Variants in HEATR4 observed in about 807,000 individuals in gnomAD.
HEATR4 encodes HEAT repeat-containing protein 4.
HEATR4 carries 95 observed loss-of-function variants against 108.8 expected under a neutral mutation model. That is an observed-to-expected ratio of 0.87 (90% CI 0.74 to 1.04). The LOEUF is 1.04. Among genes scored for constraint, HEATR4 ranks in the 50% least tolerant of loss-of-function variants. The pLI is 0.00. For missense variants in HEATR4, 1,152 were observed against 1,253.8 expected (o/e 0.92, Z 1.23); for synonymous variants, 443 against 459.4 (o/e 0.96, Z 0.46).
chr14:73,535,730 C>T lies in HEATR4; in HGVS notation c.-151-5486G>A, dbSNP rs1389236619. 4.4e-5 allele frequency among the ~76,000 whole-genome samples: 5 copies of T among 113,322 alleles called. 2 individuals are homozygous for T. Among genetic ancestry groups the T allele is most frequent in the Non-Finnish European group, 9.6e-5 (5 of 52,112 alleles). The allele number at this position is 113,322 out of a possible 152,430, so 74.3% of individuals were successfully genotyped here. ...TGCTGACCTCGTGATCCACCCGCCTCGGCCTCCCAAAGTGCTGGGATTACA... is the reference window on the plus strand; with the variant it reads ...TGCTGACCTCGTGATCCACCCGCCTTGGCCTCCCAAAGTGCTGGGATTACA... On this transcript the variant is annotated intron_variant, in intron 1 of 17. Transcript: ENST00000553558.
At chr14:73,569,152 C>A in the HEATR4 span, 1 of 1,487,076 alleles carries the variant, frequency 6.7e-7, no homozygotes, top group Non-Finnish European at 9.2e-7. Flanking sequence ...TTTGGTCTGG[C>A]TGATCGGCTG....
chr14:73,566,814 G>T, the HEATR4 span, among the ~76,000 whole-genome samples: 1 of 152,162 alleles, frequency 6.6e-6, no homozygotes, highest in South Asian at 2.1e-4. Context: ...GGCTTCTCAA[G>T]TGCCGCCAAA....
rs139632154 is a variant in HEATR4 at position 73,506,489 on chromosome 14, C to T, written c.1964G>A (p.Arg655Gln). The change falls in exon 10 of 18, where the codon CGG becomes CAG. Residue 655 changes from arginine to glutamine, a missense_variant. By Grantham distance (43) the Arg-to-Gln change is conservative (BLOSUM62 1). Transcript: ENST00000553558. ...NRIVACQAFS[R>Q]ISGNVCLDMK... ...TACCAAGCAGACATTTCCACTGATC[C>T]GGGAGAAAGCCTGGCAGGCCACAAT... 66 of 1,613,584 alleles carry T rather than the reference C, an allele frequency of 4.1e-5. No homozygotes were observed. In the African/African-American group the frequency reaches 5.3e-4, roughly 13 times the overall value.
the HEATR4 span, among the ~76,000 whole-genome samples, chr14:73,621,856 T>G: frequency 6.7e-6 from 1 of 148,288 alleles, no homozygotes; most frequent in Non-Finnish European, 1.5e-5. Flanking sequence ...CTCAACCTCC[T>G]GGGCTCAAGT....
the HEATR4 span, chr14:73,593,678 C>T: frequency 1.9e-6 from 3 of 1,577,034 alleles, no homozygotes; most frequent in African/African-American, 1.4e-5. Context: ...TAATGGCTTA[C>T]ATTTATAATA....
chr14:73,514,904 C>T (rs952024056), intron 5 of HEATR4, among the ~76,000 whole-genome samples: 1 of 151,848 alleles, frequency 6.6e-6, no homozygotes, highest in Admixed American at 6.6e-5. Context: ...CCCGTCTCTA[C>T]TAAAATACAA....
chr14:73,607,582 CG>C, the HEATR4 span, among the ~76,000 whole-genome samples: 26,762 of 151,896 alleles, frequency 0.18, 3,992 homozygotes, highest in African/African-American at 0.41. Flanking sequence ...TCTCTGCAGC[CG>C]GCTTGATTTT....
intron 1 of HEATR4, among the ~76,000 whole-genome samples, chr14:73,538,232 G>A (rs1888943627): frequency 8.7e-6 from 1 of 114,626 alleles, no homozygotes; most frequent in South Asian, 2.8e-4. Context: ...TTAGTGTAAG[G>A]AGACAGGAAT....
the HEATR4 span, among the ~76,000 whole-genome samples, chr14:73,591,268 C>T: frequency 1.3e-5 from 2 of 151,970 alleles, no homozygotes; most frequent in South Asian, 2.1e-4. Flanking sequence ...AAAAGCAGGC[C>T]GGGCGCAGCG....
chr14:73,493,211 C>T (rs1009806930), intron 16 of HEATR4, 87 bp from the exon 17 acceptor site: 29 of 1,076,686 alleles, frequency 2.7e-5, no homozygotes, highest in East Asian at 4.7e-5. Flanking sequence ...TCATCACCTT[C>T]AGGCTTCAGT....
At chr14:73,485,922 C>T (rs1885434447) in intron 17 of HEATR4, among the ~76,000 whole-genome samples, 1 of 151,864 alleles carries the variant, frequency 6.6e-6, no homozygotes, top group African/African-American at 2.4e-5. Flanking sequence ...CCATGTTGCT[C>T]AGGCTGGTCT....
intron 17 of HEATR4, chr14:73,491,959 G>A (rs1885788461): frequency 6.2e-7 from 1 of 1,613,910 alleles, no homozygotes; most frequent in Admixed American, 1.7e-5. Flanking sequence ...TTTTGGCTGT[G>A]CTTCAAGAGC....
intron 16 of HEATR4, 113 bp from the exon 17 acceptor site, chr14:73,493,237 G>C (rs763958597): frequency 4.9e-6 from 4 of 823,198 alleles, no homozygotes; most frequent in Non-Finnish European, 8.0e-6. Flanking sequence ...GGGTAACACT[G>C]ACCATGTCGT....
chr14:73,629,051 G>GT, the HEATR4 span, among the ~76,000 whole-genome samples: 1 of 112,492 alleles, frequency 8.9e-6, no homozygotes, highest in Non-Finnish European at 2.1e-5. Context: ...GCGAGAGTAT[G>GT]TTCCCAAAAA....
the HEATR4 span, among the ~76,000 whole-genome samples, chr14:73,626,376 G>C: frequency 6.6e-6 from 1 of 152,168 alleles, no homozygotes; most frequent in African/African-American, 2.4e-5. Flanking sequence ...CAAGCTGTAG[G>C]GTGGACAAGC....
At chr14:73,577,761 C>T in the HEATR4 span, among the ~76,000 whole-genome samples, 1 of 152,008 alleles carries the variant, frequency 6.6e-6, no homozygotes, top group Non-Finnish European at 1.5e-5. Flanking sequence ...TGCCTGTAAT[C>T]CCAGCTACTT....
At chr14:73,562,537 G>C (rs900616087), upstream of HEATR4, among the ~76,000 whole-genome samples, 1 of 152,044 alleles carries the variant, frequency 6.6e-6, no homozygotes, top group African/African-American at 2.4e-5. Context: ...CGGGCCAAAA[G>C]AGCCATATTT....
intron 15 of HEATR4, 73 bp downstream of exon 15, chr14:73,496,528 G>A (rs1352464095): frequency 1.1e-6 from 1 of 888,634 alleles, no homozygotes; most frequent in Non-Finnish European, 1.9e-6. Flanking sequence ...GTACATGTTT[G>A]AGGAGGACAG....
At chr14:73,576,932 CT>C in the HEATR4 span, among the ~76,000 whole-genome samples, 20,983 of 91,034 alleles carry the variant, frequency 0.23, 2,150 homozygotes, top group African/African-American at 0.4. Context: ...CTTTTCTTTT[CT>C]TTTTTTTTTT....
Sources: allele counts gnomAD v4.1 joint callset (sites outside exome capture counted in the v4.1 genomes callset), GRCh38; gene constraint gnomAD v4.1.1; transcripts MANE v1.5; gene names NCBI Gene and HGNC (gene_info 2026-07-23, HGNC 2026-07-21).